The following ALPL variants were observed in gnomAD, a reference collection of about 807,000 sequenced individuals.
ALPL encodes alkaline phosphatase, tissue-nonspecific isozyme.
Under a neutral mutation model 51.3 loss-of-function variants are expected in ALPL, and 42 were observed. The observed-to-expected ratio is 0.82, with a 90% CI of 0.64 to 1.06. ALPL has a LOEUF of 1.06. Among genes scored for constraint, ALPL ranks in the 50% least tolerant of loss-of-function variants. ALPL has a pLI of 0.00. For missense variants in ALPL, 589 were observed against 709.4 expected, an observed-to-expected ratio of 0.83 and a Z score of 1.93; for synonymous variants, 279 against 296.4, an observed-to-expected ratio of 0.94 and a Z score of 0.60.
intron 1 of ALPL, among the ~76,000 whole-genome samples, chr1:21,532,541 A>G (rs1048440786): frequency 2.0e-5 from 3 of 152,158 alleles, no homozygotes; most frequent in Non-Finnish European, 4.4e-5. Context: ...TAAGGAAACA[A>G]GAGAAATAAG....
chr1:21,519,068 C>T (rs1209643544), intron 1 of ALPL, among the ~76,000 whole-genome samples: 2 of 152,218 alleles, frequency 1.3e-5, no homozygotes, highest in Admixed American at 6.5e-5. Flanking sequence ...CAGTGGGACA[C>T]AGGGAAAGGG....
At chr1:21,543,690 C>A (rs543446804) in intron 1 of ALPL, among the ~76,000 whole-genome samples, 1 of 152,314 alleles carries the variant, frequency 6.6e-6, no homozygotes, top group Non-Finnish European at 1.5e-5. Flanking sequence ...AAGACTTTTT[C>A]CATAAGCACC....
At chr1:21,568,615 G>A (rs977798198) in intron 7 of ALPL, among the ~76,000 whole-genome samples, 1 of 152,086 alleles carries the variant, frequency 6.6e-6, no homozygotes. Context: ...CATGGGGGAC[G>A]CCTGGCTCTG....
At chr1:21,527,387 A>G (rs1408289896) in intron 1 of ALPL, among the ~76,000 whole-genome samples, 1 of 152,002 alleles carries the variant, frequency 6.6e-6, no homozygotes, top group East Asian at 1.9e-4. Context: ...ACTTTACTAA[A>G]TTATTTGCTC....
intron 1 of ALPL, among the ~76,000 whole-genome samples, chr1:21,528,264 C>T (rs1364550062): frequency 6.6e-6 from 1 of 151,624 alleles, no homozygotes; most frequent in Non-Finnish European, 1.5e-5. Context: ...AAGCGATCCT[C>T]CTGCCGTGGC....
chr1:21,576,556 G>A lies in ALPL; in HGVS notation c.1224G>A (p.Lys408=), dbSNP rs1644740103. ...CCATGCTGAGTGACACAGACAAGAA[G>A]CCCTTCACTGCCATCCTGTATGGCA... ...LAPMLSDTDK[K]PFTAILYGNG... is the part of the protein sequence containing the mutation. The change falls in exon 11 of 12, where the codon AAG becomes AAA. Residue 408 remains lysine (K), a synonymous_variant. Coordinates refer to ENST00000374840, the MANE Select transcript of ALPL (RefSeq NM_000478.6). 1 of 1,614,016 alleles carries A rather than the reference G, an allele frequency of 6.2e-7. No homozygotes were observed. Among genetic ancestry groups the A allele is most frequent in the African/African-American group, 1.3e-5 (1 of 75,006 alleles).
chr1:21,570,358 T>A lies in ALPL; in HGVS notation c.846T>A (p.Asn282Lys), dbSNP rs779625059. The A allele has an allele frequency of 6.2e-7, 1 of 1,613,788 alleles. No homozygotes were observed. Among genetic ancestry groups the A allele is most frequent in the Admixed American group, 1.7e-5 (1 of 59,980 alleles). ...AACTCCTGACCCTTGACCCCCACAA[T>A]GTGGACTACCTATTGGGTAAGTGGA... ...RTELLTLDPH[N>K]VDYLLGLFEP... The change falls in exon 8 of 12, where the codon AAT becomes AAA. Residue 282 changes from asparagine (N) to lysine (K), a missense_variant. Transcript: ENST00000374840.
chr1:21,553,523 G>C (rs184637993), intron 1 of ALPL, among the ~76,000 whole-genome samples: 5 of 152,314 alleles, frequency 3.3e-5, no homozygotes, highest in Admixed American at 2.6e-4. Flanking sequence ...GCTTCTCAAG[G>C]TGTGGTCCGC....
intron 1 of ALPL, among the ~76,000 whole-genome samples, chr1:21,536,831 G>T (rs111695442): frequency 0.011 from 1,738 of 151,938 alleles, 38 homozygotes; most frequent in African/African-American, 0.039. Context: ...ACCAGAGGGA[G>T]TGCAGTGGAG....
intron 1 of ALPL, among the ~76,000 whole-genome samples, chr1:21,518,503 T>A (rs926930641): frequency 2.0e-5 from 3 of 152,080 alleles, no homozygotes; most frequent in African/African-American, 7.2e-5. Flanking sequence ...TAAATAACTC[T>A]TATTACTACG....
chr1:21,542,497 C>T (rs1644199406), intron 1 of ALPL, among the ~76,000 whole-genome samples: 1 of 152,208 alleles, frequency 6.6e-6, no homozygotes, highest in African/African-American at 2.4e-5. Flanking sequence ...ATGGGATGAT[C>T]TCTAAGACAA....
chr1:21,510,969 C>T (rs1275548351), intron 1 of ALPL, among the ~76,000 whole-genome samples: 2 of 152,224 alleles, frequency 1.3e-5, no homozygotes, highest in African/African-American at 2.4e-5. Flanking sequence ...GAGTGATGAT[C>T]CCGGTCCATG....
chr1:21,519,381 C>A (rs1391391062), intron 1 of ALPL, among the ~76,000 whole-genome samples: 1 of 152,238 alleles, frequency 6.6e-6, no homozygotes, highest in African/African-American at 2.4e-5. Context: ...TTACCATGAT[C>A]ATTTCTCATT....
chr1:21,557,008 A>T (rs541150314), intron 2 of ALPL, among the ~76,000 whole-genome samples: 1 of 152,338 alleles, frequency 6.6e-6, no homozygotes, highest in African/African-American at 2.4e-5. Flanking sequence ...TCCTCTCTGC[A>T]TCAGCTCCTG....
At chr1:21,510,272 A>T (rs1023664283) in intron 1 of ALPL, among the ~76,000 whole-genome samples, 9 of 152,160 alleles carry the variant, frequency 5.9e-5, no homozygotes, top group African/African-American at 1.9e-4. Context: ...AGGCCGAGGA[A>T]AGCCTCCCCC....
chr1:21,570,855 C>T (rs1260535504), intron 8 of ALPL, among the ~76,000 whole-genome samples: 1 of 152,248 alleles, frequency 6.6e-6, no homozygotes, highest in Non-Finnish European at 1.5e-5. Context: ...AGCTTCAGGT[C>T]TGGTGGGATG....
chr1:21,555,571 A>C (rs1278102369), intron 2 of ALPL, among the ~76,000 whole-genome samples: 1 of 150,408 alleles, frequency 6.6e-6, no homozygotes, highest in African/African-American at 2.4e-5. Context: ...CGTGCGCCGC[A>C]ACACCCGGCT....
chr1:21,520,488 G>GTTTT (rs1643872588), intron 1 of ALPL, among the ~76,000 whole-genome samples: 1 of 90,182 alleles, frequency 1.1e-5, no homozygotes. Context: ...TTTTTTTTGA[G>GTTTT]ACGGAGTCTC....
At chr1:21,535,499 C>G (rs1175312387) in intron 1 of ALPL, among the ~76,000 whole-genome samples, 2 of 152,030 alleles carry the variant, frequency 1.3e-5, no homozygotes, top group African/African-American at 4.8e-5. Flanking sequence ...GTGGTCCCAG[C>G]TACTTGGTCT....
Sources: allele counts gnomAD v4.1 joint callset (sites outside exome capture counted in the v4.1 genomes callset), GRCh38; gene constraint gnomAD v4.1.1; transcripts MANE v1.5; gene names NCBI Gene and HGNC (gene_info 2026-07-23, HGNC 2026-07-21).